Variants in MIS18A observed in about 807,000 individuals in gnomAD.
MIS18A encodes MIS18 kinetochore protein A, also known as protein Mis18-alpha.
A neutral mutation model predicts 25.0 loss-of-function variants in MIS18A; 14 were observed. The ratio of observed to expected loss-of-function variants is 0.56; its 90% CI spans 0.37 to 0.88. The LOEUF (loss-of-function observed/expected upper bound fraction) is 0.88. MIS18A is among the 40% of genes least tolerant of loss of function. The probability of loss-of-function intolerance (pLI) is 0.00; values close to 1 mark genes in which losing one functional copy is unlikely to be tolerated. For synonymous variants in MIS18A, 134 were observed against 118.6 expected (o/e 1.13, Z -0.84); for missense variants, 292 against 290.8 (o/e 1.00, Z -0.03).
the MIS18A span, among the ~76,000 whole-genome samples, chr21:32,185,411 CAGGGAGGCCTGTGGTGCTCCCAT>C: frequency 6.6e-6 from 1 of 152,178 alleles, no homozygotes; most frequent in African/African-American, 2.4e-5. Flanking sequence ...AGTGCTCCCA[CAGGGAGGCCTGTGGTGCTCCCAT>C]GGGGAGGTCT....
chr21:32,265,218 C>T (rs1482840677), downstream of MIS18A, among the ~76,000 whole-genome samples: 1 of 152,196 alleles, frequency 6.6e-6, no homozygotes, highest in Non-Finnish European at 1.5e-5. Flanking sequence ...TGCCTGGGCT[C>T]CCACTTTGGT....
the MIS18A span, among the ~76,000 whole-genome samples, chr21:32,173,211 A>C: frequency 3.3e-5 from 5 of 152,224 alleles, no homozygotes; most frequent in African/African-American, 1.2e-4. Flanking sequence ...AATGCTCAGT[A>C]TCACTAGTCA....
At chr21:32,277,258 T>G (rs1365803539) in intron 1 of MIS18A, among the ~76,000 whole-genome samples, 1 of 152,110 alleles carries the variant, frequency 6.6e-6, no homozygotes, top group African/African-American at 2.4e-5. Context: ...GTTATAAAAA[T>G]TAAATAACAA....
At chr21:32,229,426 A>T in the MIS18A span, among the ~76,000 whole-genome samples, 1 of 152,164 alleles carries the variant, frequency 6.6e-6, no homozygotes, top group Admixed American at 6.5e-5. Flanking sequence ...TTGCGAGAGC[A>T]TGGTGGTTTT....
chr21:32,161,905 A>G, the MIS18A span, among the ~76,000 whole-genome samples: 2 of 152,034 alleles, frequency 1.3e-5, no homozygotes, highest in African/African-American at 4.8e-5. Flanking sequence ...AGGCAAAACT[A>G]GGATAGAACC....
chr21:32,272,558 A>G (rs2031732696), intron 2 of MIS18A, among the ~76,000 whole-genome samples: 1 of 152,248 alleles, frequency 6.6e-6, no homozygotes, highest in Non-Finnish European at 1.5e-5. Context: ...CACTTGTCTC[A>G]TAGTCGCAAA....
chr21:32,172,934 A>G, the MIS18A span, among the ~76,000 whole-genome samples: 1,030 of 152,212 alleles, frequency 6.8e-3, 12 homozygotes, highest in African/African-American at 0.023. Flanking sequence ...TTCCAACCTC[A>G]CACCATAGCC....
At chr21:32,186,080 C>T in the MIS18A span, among the ~76,000 whole-genome samples, 1 of 152,140 alleles carries the variant, frequency 6.6e-6, no homozygotes, top group East Asian at 1.9e-4. Context: ...CAGGCGGCTT[C>T]CCACCTTCTC....
chr21:32,169,659 C>T, the MIS18A span, among the ~76,000 whole-genome samples: 1 of 152,078 alleles, frequency 6.6e-6, no homozygotes, highest in African/African-American at 2.4e-5. Flanking sequence ...CCACTGAACA[C>T]TGAAGATATA....
At chr21:32,158,770 C>T in the MIS18A span, among the ~76,000 whole-genome samples, 2 of 152,246 alleles carry the variant, frequency 1.3e-5, no homozygotes, top group African/African-American at 2.4e-5. Flanking sequence ...CCACCACACC[C>T]GGCCTGATTT....
chr21:32,269,645 G>C, intron 4 of MIS18A, 62 bp downstream of exon 4: 1 of 935,766 alleles, frequency 1.1e-6, no homozygotes. Flanking sequence ...CGTTTGTGGG[G>C]GAGCACTTCT....
the MIS18A span, among the ~76,000 whole-genome samples, chr21:32,175,840 C>A: frequency 1.6e-5 from 2 of 128,676 alleles, no homozygotes; most frequent in Non-Finnish European, 3.2e-5. Context: ...CAAAACAACA[C>A]ATTTTACAGC....
the MIS18A span, among the ~76,000 whole-genome samples, chr21:32,203,743 A>T: frequency 6.7e-6 from 1 of 148,722 alleles, no homozygotes; most frequent in Non-Finnish European, 1.5e-5. Flanking sequence ...CAGCCTCCTG[A>T]GTAGCTGGGA....
chr21:32,261,459 CG>C, the MIS18A span: 2 of 152,112 alleles, frequency 1.3e-5, no homozygotes, highest in Non-Finnish European at 2.9e-5. Flanking sequence ...CAAGATGAGA[CG>C]TAAGTATGCT....
the MIS18A span, among the ~76,000 whole-genome samples, chr21:32,255,130 G>A: frequency 1.1e-4 from 17 of 152,040 alleles, no homozygotes; most frequent in Admixed American, 1.1e-3. Context: ...ATTAATAGTG[G>A]TTACTTATGG....
the MIS18A span, among the ~76,000 whole-genome samples, chr21:32,179,095 AT>A: frequency 1.3e-5 from 2 of 150,944 alleles, no homozygotes; most frequent in African/African-American, 2.4e-5. Flanking sequence ...ACTCTCTTTT[AT>A]TTTTTTAAAT....
chr21:32,169,694 C>T, the MIS18A span, among the ~76,000 whole-genome samples: 1 of 152,100 alleles, frequency 6.6e-6, no homozygotes, highest in African/African-American at 2.4e-5. Context: ...CACAGAGCCC[C>T]TCAACTTAAA....
At chr21:32,263,575 T>G (rs189224388), downstream of MIS18A, among the ~76,000 whole-genome samples, 13 of 152,288 alleles carry the variant, frequency 8.5e-5, no homozygotes, top group Admixed American at 7.8e-4. Flanking sequence ...CACTCCAGCC[T>G]AGGTAACAGA....
the MIS18A span, among the ~76,000 whole-genome samples, chr21:32,202,590 C>A: frequency 6.6e-6 from 1 of 152,204 alleles, no homozygotes; most frequent in East Asian, 1.9e-4. Flanking sequence ...GAACGCTTTT[C>A]ATCTTGCAAA....
Sources: gnomAD v4.1 joint callset for allele counts (sites outside exome capture counted in the v4.1 genomes callset) on GRCh38, gnomAD v4.1.1 for gene constraint, MANE v1.5 for transcripts, NCBI Gene and HGNC (gene_info 2026-07-23, HGNC 2026-07-21) for gene names.